The following TFCP2 variants were observed in gnomAD, a reference collection of about 807,000 sequenced individuals.
TFCP2 encodes the protein alpha-globin transcription factor CP2.
In TFCP2, 33 loss-of-function variants were observed where a neutral mutation model predicts 73.4. The ratio of observed to expected loss-of-function variants is 0.45; its 90% CI spans 0.34 to 0.60. The LOEUF (loss-of-function observed/expected upper bound fraction) is 0.60, where lower values mean the gene tolerates loss of function less well. Ranked by LOEUF, TFCP2 falls within the 20% of genes least tolerant of loss-of-function variation. TFCP2 has a pLI of 0.01. For missense variants in TFCP2, 352 were observed against 604.0 expected (o/e 0.58, Z 4.37); for synonymous variants, 193 against 211.6 (o/e 0.91, Z 0.76).
intron 1 of TFCP2, among the ~76,000 whole-genome samples, chr12:51,134,214 A>G (rs140640969): frequency 4.2e-4 from 64 of 152,328 alleles, no homozygotes; most frequent in African/African-American, 1.5e-3. Flanking sequence ...CAGTACACAC[A>G]TACATATGTT....
At chr12:51,117,783 C>A (rs754382643) in intron 2 of TFCP2, 36 bp from the exon 3 acceptor site, 12 of 1,430,762 alleles carry the variant, frequency 8.4e-6, no homozygotes, top group African/African-American at 4.2e-5. Context: ...ATATTCACCA[C>A]AAATTAACTT....
Position 51,095,298 on chromosome 12 carries a change from G to C in TFCP2, c.1472-20C>G. On this transcript the variant is annotated intron_variant, in intron 14 of 14. Coordinates refer to ENST00000257915, the MANE Select transcript of TFCP2 (RefSeq NM_005653.5). Reference sequence around the variant, plus strand: ...TTTCTGCTGTTAAAAAAAAGAGAGAGAGAGAATCATCTTTAGTCACCTCTA... The same window carrying C: ...TTTCTGCTGTTAAAAAAAAGAGAGACAGAGAATCATCTTTAGTCACCTCTA... 17 of 1,612,940 alleles carry C rather than the reference G, an allele frequency of 1.1e-5. No homozygotes were observed. Among genetic ancestry groups the C allele is most frequent in the Non-Finnish European group, 1.4e-5 (17 of 1,179,352 alleles).
chr12:51,172,879 CTCTT>C lies in TFCP2; in HGVS notation c.-461_-458del, dbSNP rs975835307. 3 of 172,550 alleles carry C rather than the reference CTCTT, an allele frequency of 1.7e-5. No homozygotes were observed. The highest frequency in any genetic ancestry group is 1.1e-4 in the South Asian group (1 of 8,764). 10.7% of individuals were successfully genotyped at this position (172,550 alleles called of 1,614,324 possible). A position where few individuals can be genotyped will look rare whatever the true frequency, so the allele number is the denominator to read the frequency against. ...CCCCCTCCCTCCCAGGTCTCGCTCT[CTCTT>C]TCCCCTCCAGGCCTCGCTTCCGGTC... On this transcript the variant is annotated 5_prime_UTR_variant, in exon 1 of 15. Coordinates refer to ENST00000257915, the MANE Select transcript of TFCP2 (RefSeq NM_005653.5).
intron 1 of TFCP2, among the ~76,000 whole-genome samples, chr12:51,152,576 T>C (rs1941452190): frequency 6.6e-6 from 1 of 152,216 alleles, no homozygotes; most frequent in Admixed American, 6.5e-5. Context: ...CTGAAGTATT[T>C]AGGTGTTTGG....
intron 8 of TFCP2, among the ~76,000 whole-genome samples, chr12:51,104,963 C>G (rs550756985): frequency 7.9e-5 from 12 of 152,160 alleles, no homozygotes; most frequent in Non-Finnish European, 1.3e-4. Flanking sequence ...CCGCCCGCCT[C>G]CGCCTCCCAA....
intron 1 of TFCP2, among the ~76,000 whole-genome samples, chr12:51,130,760 G>A (rs1421201759): frequency 6.6e-6 from 1 of 152,128 alleles, no homozygotes; most frequent in African/African-American, 2.4e-5. Context: ...GCCGAGGCAG[G>A]TGAATCACCT....
intron 3 of TFCP2, among the ~76,000 whole-genome samples, chr12:51,117,384 A>G (rs1198137269): frequency 6.6e-6 from 1 of 152,194 alleles, no homozygotes; most frequent in African/African-American, 2.4e-5. Context: ...CAAGGAGGTT[A>G]CTTTACTCCA....
chr12:51,127,427 T>G (rs1488540832), intron 1 of TFCP2, among the ~76,000 whole-genome samples: 1 of 152,110 alleles, frequency 6.6e-6, no homozygotes, highest in Non-Finnish European at 1.5e-5. Context: ...ACCAATCAAC[T>G]CAGAATTAGA....
At chr12:51,115,878 A>C (rs547586798) in intron 4 of TFCP2, among the ~76,000 whole-genome samples, 9 of 152,344 alleles carry the variant, frequency 5.9e-5, no homozygotes, top group South Asian at 4.1e-4. Flanking sequence ...AGTGGTTACC[A>C]GGGGCTGTGA....
At chr12:51,128,706 T>A (rs796964503) in intron 1 of TFCP2, among the ~76,000 whole-genome samples, 5 of 152,292 alleles carry the variant, frequency 3.3e-5, no homozygotes, top group African/African-American at 1.2e-4. Flanking sequence ...CAGACAACTA[T>A]ACAACTGTAC....
At chr12:51,168,220 AC>A (rs907904832) in intron 1 of TFCP2, among the ~76,000 whole-genome samples, 14 of 151,894 alleles carry the variant, frequency 9.2e-5, no homozygotes, top group African/African-American at 3.4e-4. Flanking sequence ...ACATAGGGAG[AC>A]CCTGTCTCTG....
rs574500373 is a variant in TFCP2, at chr12:51,114,377, G to A, written c.457+1938C>T. Among the ~76,000 whole-genome samples the A allele has an allele frequency of 2.6e-5, 4 of 152,102 alleles. No homozygotes were observed. In the East Asian group the frequency reaches 5.8e-4, roughly 22 times the overall value. On this transcript the variant is annotated intron_variant, in intron 4 of 14. Coordinates refer to ENST00000257915, the MANE Select transcript of TFCP2 (RefSeq NM_005653.5). The stretch of plus-strand genomic sequence containing the variant: ...TCCCAGCGCTTTGGGAGGCCAAGGC[G>A]GGTGGATCACCTGAGGTCAGGAGTT...
In TFCP2 at chr12:51,146,851, C is replaced by T. The variant is rs183612864; in HGVS notation, c.122+25450G>A. On this transcript the variant is annotated intron_variant, in intron 1 of 14. Transcript: ENST00000257915. Reference sequence around the variant, plus strand: ...ATTTATATACATGTCTTATCTTCTCCATCAAATTGTAAGCAAATGAAAGAC... The same window carrying T: ...ATTTATATACATGTCTTATCTTCTCTATCAAATTGTAAGCAAATGAAAGAC... Among the ~76,000 whole-genome samples, 12 of 152,298 alleles carry T rather than the reference C, an allele frequency of 7.9e-5. No individual in the cohort carries two copies. In the East Asian group the frequency reaches 2.1e-3, roughly 27 times the overall value.
At chr12:51,115,416 G>A (rs879874216) in intron 4 of TFCP2, among the ~76,000 whole-genome samples, 4 of 152,034 alleles carry the variant, frequency 2.6e-5, no homozygotes, top group Non-Finnish European at 4.4e-5. Flanking sequence ...CATCGCGCCC[G>A]GCCGAAATTG....
At position 51,110,933 on chromosome 12, in the gene TFCP2, G is replaced by A. The variant is rs1399434061; in HGVS notation, c.508C>T (p.Leu170=). 3 of 1,613,946 alleles carry A rather than the reference G, an allele frequency of 1.9e-6. No individual in the cohort carries two copies. In the Admixed American group the frequency reaches 5.0e-5, roughly 27 times the overall value. The change falls in exon 5 of 15, where the codon CTA becomes TTA. Residue 170 remains leucine (L), a synonymous_variant. Transcript: ENST00000257915. ...TCCCACAGGAACTCCACTGTATTTA[G>A]TTGAGTTGGATTAGCCCTAGGATCG... ...IIDPRANPTQ[L]NTVEFLWDPA...
intron 13 of TFCP2, among the ~76,000 whole-genome samples, chr12:51,096,940 A>G (rs2136956474): frequency 6.8e-6 from 1 of 146,182 alleles, no homozygotes; most frequent in Non-Finnish European, 1.5e-5. Context: ...ATTCATAGAT[A>G]TACCTGTAAT....
chr12:51,117,285 A>G (rs562243937), intron 3 of TFCP2, among the ~76,000 whole-genome samples: 1 of 152,328 alleles, frequency 6.6e-6, no homozygotes, highest in East Asian at 1.9e-4. Flanking sequence ...AATCTAGACT[A>G]AGAGAACTGC....
At chr12:51,108,704 G>A (rs1566203123) in intron 6 of TFCP2, among the ~76,000 whole-genome samples, 5 of 151,448 alleles carry the variant, frequency 3.3e-5, no homozygotes. Context: ...AGCCCAGGAG[G>A]TTAAACTATG....
Position 51,095,172 on chromosome 12 carries a change from T to C in TFCP2, c.*69A>G, listed in dbSNP as rs978070282. The C allele has an allele frequency of 2.0e-6, 3 of 1,514,078 alleles. No homozygotes were observed. The highest frequency in any genetic ancestry group is 1.4e-5 in the African/African-American group (1 of 72,612). The allele number at this position is 1,514,078 out of a possible 1,614,324, so 93.8% of individuals were successfully genotyped here. Reference sequence around the variant, plus strand: ...GCAGACCTTCAAATCTCCATTCATATCCCCCTTCAAGAGGGCCGTTTTCAG... The same window carrying C: ...GCAGACCTTCAAATCTCCATTCATACCCCCCTTCAAGAGGGCCGTTTTCAG... On this transcript the variant is annotated 3_prime_UTR_variant, in exon 15 of 15. Coordinates refer to ENST00000257915, the MANE Select transcript of TFCP2 (RefSeq NM_005653.5).
Sources: allele counts gnomAD v4.1 joint callset (sites outside exome capture counted in the v4.1 genomes callset), GRCh38; gene constraint gnomAD v4.1.1; transcripts MANE v1.5; gene names NCBI Gene and HGNC (gene_info 2026-07-23, HGNC 2026-07-21).